The following TPD52L2 variants were observed in gnomAD, a reference collection of about 807,000 sequenced individuals.
TPD52L2 encodes the protein tumor protein D54.
In TPD52L2, 19 loss-of-function variants were observed where a neutral mutation model predicts 24.7. The ratio of observed to expected loss-of-function variants is 0.77; its 90% confidence interval spans 0.54 to 1.13. The LOEUF (loss-of-function observed/expected upper bound fraction) is 1.13, where lower values mean the gene tolerates loss of function less well. Among genes scored for constraint, TPD52L2 ranks in the 50% most tolerant of loss-of-function variants. TPD52L2 has a pLI of 0.00. For missense variants in TPD52L2, 236 were observed against 250.4 expected (o/e 0.94, Z 0.39); for synonymous variants, 104 against 100.2 (o/e 1.04, Z -0.23).
At chr20:63,883,649 T>G (rs907724879) in intron 5 of TPD52L2, among the ~76,000 whole-genome samples, 5 of 152,188 alleles carry the variant, frequency 3.3e-5, no homozygotes, top group African/African-American at 1.2e-4. Flanking sequence ...TTCTGGCTTT[T>G]GGATCTCAGG....
intron 2 of TPD52L2, among the ~76,000 whole-genome samples, chr20:63,871,967 A>G (rs1347645731): frequency 2.0e-5 from 3 of 151,938 alleles, no homozygotes; most frequent in Admixed American, 6.6e-5. Flanking sequence ...AGCTAGTCAT[A>G]TATGAGCTGA....
chr20:63,865,301 T>G lies in TPD52L2; in HGVS notation c.-65T>G, dbSNP rs1396423790. On this transcript the variant is annotated 5_prime_UTR_variant, in exon 1 of 7. Transcript: ENST00000346249. The stretch of plus-strand genomic sequence containing the variant: ...GCTGGCTAGTGTGTACGCGGCGAGC[T>G]TCTCCCGGCGCCGCCCGCTCGGCTC... 6.7e-7 allele frequency: 1 copy of G among 1,488,548 alleles called. No homozygotes were observed. Among genetic ancestry groups the G allele is most frequent in the Non-Finnish European group, 8.9e-7 (1 of 1,124,892 alleles). 92.2% of individuals were successfully genotyped at this position (1,488,548 alleles called of 1,614,324 possible).
In TPD52L2 at chr20:63,885,872, C is replaced by T. The variant is rs80186248; in HGVS notation, c.476+3052C>T. The T allele has an allele frequency of 2.7e-4, 214 of 785,292 alleles. 1 individual carries two copies. The highest frequency in any genetic ancestry group is 2.0e-3 in the African/African-American group (118 of 59,116). The allele number at this position is 785,292 out of a possible 1,614,324, so 48.6% of individuals were successfully genotyped here. A position where few individuals can be genotyped will look rare whatever the true frequency, so the allele number is the denominator to read the frequency against. On this transcript the variant is annotated intron_variant, in intron 5 of 6. Coordinates refer to ENST00000346249, the MANE Select transcript of TPD52L2 (RefSeq NM_003288.4). ...CCGGTGGTGTGCGGACTGGAGGAGC[C>T]GTCCTGGAGGGTCTTCCCCTGCTGG...
intron 1 of TPD52L2, among the ~76,000 whole-genome samples, chr20:63,868,337 G>A (rs556662340): frequency 1.3e-4 from 20 of 152,334 alleles, no homozygotes; most frequent in African/African-American, 4.6e-4. Context: ...AGACTTTTAG[G>A]GTAGTCAGGA....
chr20:63,873,539 G>T (rs1275096672), intron 2 of TPD52L2, 129 bp from the exon 3 acceptor site: 3 of 1,045,822 alleles, frequency 2.9e-6, no homozygotes, highest in Non-Finnish European at 4.1e-6. Flanking sequence ...TGTAGATGCT[G>T]TTATTCCTAG....
At chr20:63,874,287 G>A (rs1203520881) in intron 3 of TPD52L2, among the ~76,000 whole-genome samples, 1 of 149,650 alleles carries the variant, frequency 6.7e-6, no homozygotes, top group Non-Finnish European at 1.5e-5. Flanking sequence ...TCACCATGTT[G>A]GCCAGGCTGG....
At chr20:63,886,002 C>G (rs1356657478) in intron 5 of TPD52L2, 1 of 1,614,014 alleles carries the variant, frequency 6.2e-7, no homozygotes, top group Non-Finnish European at 8.5e-7. Context: ...TTCTCTCCTG[C>G]TGCCACCTTC....
intron 2 of TPD52L2, among the ~76,000 whole-genome samples, chr20:63,870,508 C>T (rs1600786865): frequency 7.1e-6 from 1 of 140,630 alleles, no homozygotes; most frequent in South Asian, 2.4e-4. Context: ...AGTTGAATTA[C>T]AATAAGGTGA....
At chr20:63,882,585 C>T in intron 4 of TPD52L2, 134 bp from the exon 5 acceptor site, 1 of 724,728 alleles carries the variant, frequency 1.4e-6, no homozygotes, top group Middle Eastern at 3.4e-4. Context: ...CTGTAGACAC[C>T]TGGCGAGTGT....
At chr20:63,884,450 TG>T (rs2053021576) in intron 5 of TPD52L2, among the ~76,000 whole-genome samples, 1 of 152,186 alleles carries the variant, frequency 6.6e-6, no homozygotes, top group African/African-American at 2.4e-5. Flanking sequence ...TTCAGACCAT[TG>T]TGGTGGAAAT....
chr20:63,868,366 G>A (rs539180247), intron 1 of TPD52L2, among the ~76,000 whole-genome samples: 4 of 152,342 alleles, frequency 2.6e-5, no homozygotes, highest in South Asian at 2.1e-4. Context: ...TTGACATGAA[G>A]AAAAAACAGT....
intron 5 of TPD52L2, chr20:63,886,119 G>A (rs1460350221): frequency 4.1e-6 from 6 of 1,472,828 alleles, no homozygotes; most frequent in South Asian, 1.1e-5. Context: ...AGGGCCCTTG[G>A]GCGGCTGTGC....
chr20:63,878,466 C>T (rs1170322548), intron 4 of TPD52L2, among the ~76,000 whole-genome samples: 1 of 152,204 alleles, frequency 6.6e-6, no homozygotes, highest in Non-Finnish European at 1.5e-5. Flanking sequence ...TTGCAGGTGA[C>T]AGAAAGCACG....
At chr20:63,867,933 C>T (rs1381188276) in intron 1 of TPD52L2, among the ~76,000 whole-genome samples, 1 of 150,018 alleles carries the variant, frequency 6.7e-6, no homozygotes, top group Non-Finnish European at 1.5e-5. Context: ...CCACCCCGCC[C>T]GACCAGTTTT....
At chr20:63,883,206 C>T (rs1349934733) in intron 5 of TPD52L2, among the ~76,000 whole-genome samples, 1 of 152,106 alleles carries the variant, frequency 6.6e-6, no homozygotes, top group East Asian at 1.9e-4. Flanking sequence ...AGGGGCTCGG[C>T]GTGGTACTTC....
chr20:63,878,279 T>C (rs781334962), intron 4 of TPD52L2, among the ~76,000 whole-genome samples: 2 of 152,210 alleles, frequency 1.3e-5, no homozygotes, highest in African/African-American at 2.4e-5. Context: ...GAGGCTGCAA[T>C]GCGGCCACAT....
intron 5 of TPD52L2, chr20:63,885,934 C>T: frequency 6.8e-7 from 1 of 1,479,924 alleles, no homozygotes; most frequent in Non-Finnish European, 9.4e-7. Context: ...TCCCCTGGGG[C>T]TCCCCGAGGA....
intron 4 of TPD52L2, 75 bp from the exon 5 acceptor site, chr20:63,882,644 C>A: frequency 8.3e-7 from 1 of 1,198,192 alleles, no homozygotes. Flanking sequence ...GGCGTGCTCC[C>A]AGTGCTTTGT....
rs773274991 is a variant in TPD52L2, at chr20:63,876,582, C to G, written c.374+707C>G. 10 of 359,778 alleles carry G rather than the reference C, an allele frequency of 2.8e-5. No individual in the cohort carries two copies. The Admixed American group carries it at 3.0e-4, about 11-fold the overall frequency. 22.3% of individuals were successfully genotyped at this position (359,778 alleles called of 1,614,324 possible). On this transcript the variant is annotated intron_variant, in intron 4 of 6. Coordinates refer to ENST00000346249, the MANE Select transcript of TPD52L2 (RefSeq NM_003288.4). ...GAGGAGGGGAATATTTTTAAATAGTCTCTGTGGGATTTTTTCATCTGTTAT... is the reference window on the plus strand; with the variant it reads ...GAGGAGGGGAATATTTTTAAATAGTGTCTGTGGGATTTTTTCATCTGTTAT...
Sources: allele counts gnomAD v4.1 joint callset (sites outside exome capture counted in the v4.1 genomes callset), GRCh38; gene constraint gnomAD v4.1.1; transcripts MANE v1.5; gene names NCBI Gene and HGNC (gene_info 2026-07-23, HGNC 2026-07-21).